Variants in NEK7 observed in about 807,000 individuals in gnomAD.
NEK7 encodes the protein serine/threonine-protein kinase Nek7.
A neutral mutation model predicts 44.6 loss-of-function variants in NEK7; 18 were observed. The ratio of observed to expected loss-of-function variants is 0.40; its 90% CI spans 0.28 to 0.60. The LOEUF (loss-of-function observed/expected upper bound fraction) is 0.60, where lower values mean the gene tolerates loss of function less well. Among genes scored for constraint, NEK7 ranks in the 20% least tolerant of loss-of-function variants. The probability of loss-of-function intolerance (pLI) is 0.38; values close to 1 mark genes in which losing one functional copy is unlikely to be tolerated. For synonymous variants in NEK7, 130 were observed against 121.1 expected (o/e 1.07, Z -0.48); for missense variants, 256 against 366.5 (o/e 0.70, Z 2.46).
intron 1 of NEK7, among the ~76,000 whole-genome samples, chr1:198,159,756 C>A (rs1303637875): frequency 2.0e-5 from 3 of 152,080 alleles, no homozygotes; most frequent in East Asian, 1.9e-4. Flanking sequence ...ACAGCACTTA[C>A]CCAAAGAATG....
chr1:198,220,531 A>G (rs960057589), intron 1 of NEK7, among the ~76,000 whole-genome samples: 1 of 152,134 alleles, frequency 6.6e-6, no homozygotes, highest in Non-Finnish European at 1.5e-5. Flanking sequence ...TAACACAGAA[A>G]TGTTAAGAAT....
chr1:198,201,601 T>C (rs1314171244), intron 1 of NEK7, among the ~76,000 whole-genome samples: 1 of 152,252 alleles, frequency 6.6e-6, no homozygotes, highest in African/African-American at 2.4e-5. Context: ...CAGTTCTTTT[T>C]ATAGAATCCA....
At chr1:198,301,177 T>C (rs1485155891) in intron 9 of NEK7, among the ~76,000 whole-genome samples, 2 of 152,232 alleles carry the variant, frequency 1.3e-5, no homozygotes, top group Middle Eastern at 3.2e-3. Flanking sequence ...ATACTTTTTA[T>C]TTGTTATTAA....
At chr1:198,176,481 T>C (rs1049064822) in intron 1 of NEK7, among the ~76,000 whole-genome samples, 1 of 152,110 alleles carries the variant, frequency 6.6e-6, no homozygotes, top group African/African-American at 2.4e-5. Flanking sequence ...ATGGTACTTA[T>C]GTGGGGGAAA....
At chr1:198,278,678 A>G (rs771158946) in intron 6 of NEK7, among the ~76,000 whole-genome samples, 11 of 151,852 alleles carry the variant, frequency 7.2e-5, no homozygotes, top group Non-Finnish European at 1.6e-4. Context: ...TTTGAATTTC[A>G]CAGGTTTTTT....
At chr1:198,303,070 G>T (rs191247791) in intron 9 of NEK7, among the ~76,000 whole-genome samples, 79 of 152,268 alleles carry the variant, frequency 5.2e-4, no homozygotes, top group South Asian at 1.0e-3. Flanking sequence ...GAGGCACAAT[G>T]AGGTGTTTGC....
chr1:198,303,740 C>A (rs1025201132), intron 9 of NEK7, among the ~76,000 whole-genome samples: 3 of 151,964 alleles, frequency 2.0e-5, no homozygotes, highest in African/African-American at 7.2e-5. Context: ...AAAAGAAGGA[C>A]ATTATTTTAT....
chr1:198,286,604 T>C (rs1004663138), intron 7 of NEK7, among the ~76,000 whole-genome samples: 3 of 152,156 alleles, frequency 2.0e-5, no homozygotes, highest in Non-Finnish European at 2.9e-5. Flanking sequence ...ACCAAAAACT[T>C]AGTGGCTTAA....
intron 7 of NEK7, among the ~76,000 whole-genome samples, chr1:198,288,744 C>T (rs1409973924): frequency 2.0e-5 from 3 of 152,136 alleles, no homozygotes; most frequent in Non-Finnish European, 4.4e-5. Context: ...TTACTTCTGT[C>T]ACCACAGGAC....
intron 9 of NEK7, among the ~76,000 whole-genome samples, chr1:198,306,655 ATTG>A (rs1251835027): frequency 1.3e-5 from 2 of 152,134 alleles, no homozygotes; most frequent in East Asian, 3.8e-4. Flanking sequence ...CTTGTTTATG[ATTG>A]TTATTTAGTC....
chr1:198,235,171 T>C (rs1445417921), intron 2 of NEK7, among the ~76,000 whole-genome samples: 1 of 152,210 alleles, frequency 6.6e-6, no homozygotes, highest in Non-Finnish European at 1.5e-5. Flanking sequence ...CAATTCCCTG[T>C]TATAATGATA....
At chr1:198,233,623 G>A (rs1306726749) in intron 2 of NEK7, among the ~76,000 whole-genome samples, 2 of 152,078 alleles carry the variant, frequency 1.3e-5, no homozygotes, top group South Asian at 4.1e-4. Context: ...GAGACTTGGG[G>A]AAAACAGTGA....
Position 198,232,562 on chromosome 1 carries a change from G to T in NEK7, c.-19G>T. On this transcript the variant is annotated 5_prime_UTR_variant, in exon 2 of 10. Transcript: ENST00000367385. ...CTTTACATTTTTGCAGAGTTCTAAA[G>T]TTCCTGTTGCTTCAGACAATGGATG... 1 of 1,563,296 alleles carries T rather than the reference G, an allele frequency of 6.4e-7. No individual in the cohort carries two copies. Among genetic ancestry groups the T allele is most frequent in the African/African-American group, 1.4e-5 (1 of 73,826 alleles).
In NEK7 at chr1:198,286,237, A is replaced by G. The variant is rs537586477; in HGVS notation, c.590-6708A>G. Among the ~76,000 whole-genome samples the G allele has an allele frequency of 8.9e-4, 135 of 152,286 alleles. 2 individuals carry two copies. Among genetic ancestry groups the G allele is most frequent in the Middle Eastern group, 3.4e-3 (1 of 294 alleles). On this transcript the variant is annotated intron_variant, in intron 7 of 9. Transcript: ENST00000367385. ...AGATAGGTATGATTATCAAGTTTAG[A>G]TTTCTGTCAGTGACCAAGCCAGAGT...
chr1:198,215,463 A>G (rs1487579098), intron 1 of NEK7, among the ~76,000 whole-genome samples: 2 of 152,182 alleles, frequency 1.3e-5, no homozygotes, highest in Non-Finnish European at 2.9e-5. Flanking sequence ...TTAAAACATT[A>G]TAAGATATTT....
At chr1:198,293,457 C>T (rs1296916798) in intron 8 of NEK7, among the ~76,000 whole-genome samples, 1 of 151,704 alleles carries the variant, frequency 6.6e-6, no homozygotes, top group East Asian at 1.9e-4. Context: ...TGTAATTTAG[C>T]ATTAAGGATA....
intron 2 of NEK7, among the ~76,000 whole-genome samples, chr1:198,243,679 T>A (rs1374451709): frequency 1.3e-5 from 2 of 152,210 alleles, no homozygotes; most frequent in Non-Finnish European, 2.9e-5. Flanking sequence ...TGGTCACTCA[T>A]TTTTCTTACA....
chr1:198,174,609 T>G (rs1664548810), intron 1 of NEK7, among the ~76,000 whole-genome samples: 1 of 152,172 alleles, frequency 6.6e-6, no homozygotes, highest in Non-Finnish European at 1.5e-5. Flanking sequence ...GTGAAAAAGT[T>G]CATTGCAGAG....
intron 2 of NEK7, among the ~76,000 whole-genome samples, chr1:198,240,544 G>A (rs955286184): frequency 6.6e-6 from 1 of 151,326 alleles, no homozygotes; most frequent in African/African-American, 2.4e-5. Flanking sequence ...ACAATGATGA[G>A]ATCATTGTTT....
Sources: gnomAD v4.1 joint callset for allele counts (sites outside exome capture counted in the v4.1 genomes callset) on GRCh38, gnomAD v4.1.1 for gene constraint, MANE v1.5 for transcripts, NCBI Gene and HGNC (gene_info 2026-07-23, HGNC 2026-07-21) for gene names.